The following ANKRD62 variants were observed in gnomAD, a reference collection of about 807,000 sequenced individuals.
ANKRD62 encodes ankyrin repeat domain-containing protein 62.
Under a neutral mutation model 98.8 loss-of-function variants are expected in ANKRD62, and 61 were observed. That is an observed-to-expected ratio of 0.62 (90% confidence interval 0.50 to 0.76). The LOEUF is 0.76. Among genes scored for constraint, ANKRD62 ranks in the 30% least tolerant of loss-of-function variants. The pLI, the probability that ANKRD62 is intolerant of heterozygous loss-of-function variation, is 0.00. For missense variants in ANKRD62, 933 were observed against 1,082.9 expected, an observed-to-expected ratio of 0.86 and a Z score of 1.94; for synonymous variants, 341 against 367.9, an observed-to-expected ratio of 0.93 and a Z score of 0.84.
At chr18:12,168,154 C>A in the ANKRD62 span, among the ~76,000 whole-genome samples, 1 of 152,124 alleles carries the variant, frequency 6.6e-6, no homozygotes. Context: ...TCCCATTTGT[C>A]AATTTTGGCT....
At chr18:12,126,840 AT>A (rs1363240906) in intron 13 of ANKRD62, among the ~76,000 whole-genome samples, 5 of 152,206 alleles carry the variant, frequency 3.3e-5, no homozygotes. Flanking sequence ...TTTTATAATT[AT>A]TCTTCCTCAA....
At chr18:12,172,293 G>A in the ANKRD62 span, among the ~76,000 whole-genome samples, 1 of 152,174 alleles carries the variant, frequency 6.6e-6, no homozygotes, top group Non-Finnish European at 1.5e-5. Context: ...TTTGGTGTTC[G>A]ATGATGGTGA....
chr18:12,165,350 C>T, the ANKRD62 span, among the ~76,000 whole-genome samples: 6 of 151,796 alleles, frequency 4.0e-5, no homozygotes, highest in Non-Finnish European at 5.9e-5. Flanking sequence ...TTCTTTTCTT[C>T]CTCCCTATCT....
chr18:12,137,180 G>A, the ANKRD62 span, among the ~76,000 whole-genome samples: 1 of 152,222 alleles, frequency 6.6e-6, no homozygotes, highest in East Asian at 1.9e-4. Flanking sequence ...TATTGGCTGT[G>A]GGTTTGTCAT....
At chr18:12,178,394 T>C in the ANKRD62 span, among the ~76,000 whole-genome samples, 4 of 146,126 alleles carry the variant, frequency 2.7e-5, no homozygotes, top group Admixed American at 2.7e-4. Flanking sequence ...GGCCAGACAG[T>C]ATTCTAAGAT....
At chr18:12,134,665 G>C (rs1396705314), downstream of ANKRD62, among the ~76,000 whole-genome samples, 2 of 152,064 alleles carry the variant, frequency 1.3e-5, no homozygotes, top group Admixed American at 1.3e-4. Flanking sequence ...GAGAATGATG[G>C]TTTCCAGCTT....
intron 10 of ANKRD62, among the ~76,000 whole-genome samples, chr18:12,117,763 A>G (rs948467267): frequency 6.6e-6 from 1 of 152,234 alleles, no homozygotes; most frequent in African/African-American, 2.4e-5. Context: ...TCTGGCAAAT[A>G]ACAACGATGT....
the ANKRD62 span, among the ~76,000 whole-genome samples, chr18:12,168,492 A>G: frequency 8.5e-5 from 13 of 152,134 alleles, no homozygotes; most frequent in Non-Finnish European, 1.6e-4. Context: ...CCATTGATCT[A>G]TATCTCTGTT....
At chr18:12,101,927 A>G (rs1307606027) in intron 6 of ANKRD62, 4 of 791,168 alleles carry the variant, frequency 5.1e-6, no homozygotes, top group South Asian at 1.4e-5. Flanking sequence ...TGTGAGTTGA[A>G]TGGCATGACA....
intron 13 of ANKRD62, among the ~76,000 whole-genome samples, chr18:12,126,715 A>G (rs963807315): frequency 6.6e-6 from 1 of 152,246 alleles, no homozygotes; most frequent in Non-Finnish European, 1.5e-5. Context: ...ATTACGATAA[A>G]GCAGATATAA....
At chr18:12,155,954 T>C in the ANKRD62 span, among the ~76,000 whole-genome samples, 1 of 152,210 alleles carries the variant, frequency 6.6e-6, no homozygotes, top group Non-Finnish European at 1.5e-5. Flanking sequence ...ATCGCCAGTG[T>C]TGGAGATTTG....
chr18:12,109,818 G>A (rs1909496603), intron 8 of ANKRD62, among the ~76,000 whole-genome samples: 1 of 152,070 alleles, frequency 6.6e-6, no homozygotes, highest in Non-Finnish European at 1.5e-5. Flanking sequence ...GGTCTGTGTT[G>A]TTGTAGTCCA....
intron 12 of ANKRD62, among the ~76,000 whole-genome samples, chr18:12,124,785 G>A (rs375140825): frequency 6.6e-6 from 1 of 152,174 alleles, no homozygotes; most frequent in African/African-American, 2.4e-5. Context: ...GTGATGTGGT[G>A]GAGGACCACT....
intron 3 of ANKRD62, among the ~76,000 whole-genome samples, chr18:12,095,924 A>G (rs1909171671): frequency 6.6e-6 from 1 of 152,186 alleles, no homozygotes; most frequent in South Asian, 2.1e-4. Context: ...CCTTGAGCTC[A>G]TATCACTGTT....
the ANKRD62 span, among the ~76,000 whole-genome samples, chr18:12,137,489 G>A: frequency 9.9e-5 from 15 of 152,272 alleles, no homozygotes; most frequent in African/African-American, 2.9e-4. Flanking sequence ...TGTTCATCAA[G>A]GATATTGGTC....
the ANKRD62 span, among the ~76,000 whole-genome samples, chr18:12,173,989 G>A: frequency 6.6e-6 from 1 of 152,102 alleles, no homozygotes; most frequent in African/African-American, 2.4e-5. Flanking sequence ...TCTTCCTATG[G>A]GGTATCTTAC....
chr18:12,145,056 T>C, the ANKRD62 span, among the ~76,000 whole-genome samples: 1 of 151,930 alleles, frequency 6.6e-6, no homozygotes, highest in Admixed American at 6.6e-5. Context: ...GGCTGGAGAA[T>C]TGCTTGAACC....
chr18:12,139,679 C>T, the ANKRD62 span, among the ~76,000 whole-genome samples: 1 of 151,914 alleles, frequency 6.6e-6, no homozygotes, highest in Admixed American at 6.6e-5. Context: ...TTGGCCCCCA[C>T]TCTCTTCTGG....
chr18:12,165,920 T>A, the ANKRD62 span, among the ~76,000 whole-genome samples: 1 of 152,150 alleles, frequency 6.6e-6, no homozygotes, highest in African/African-American at 2.4e-5. Flanking sequence ...GAGTAAAAGT[T>A]GTTTTTCTTC....
Sources: allele counts gnomAD v4.1 joint callset (sites outside exome capture counted in the v4.1 genomes callset), GRCh38; gene constraint gnomAD v4.1.1; transcripts MANE v1.5; gene names NCBI Gene and HGNC (gene_info 2026-07-23, HGNC 2026-07-21).